MAMLD1: variants seen among roughly 807,000 people sequenced by gnomAD.
MAMLD1 encodes mastermind-like domain-containing protein 1.
Under a neutral mutation model 45.0 loss-of-function variants are expected in MAMLD1, and 14 were observed. The ratio of observed to expected loss-of-function variants is 0.31; its 90% confidence interval spans 0.21 to 0.49. The LOEUF is 0.49. MAMLD1 is among the 20% of genes least tolerant of loss of function. The probability of loss-of-function intolerance (pLI) is 0.99; values close to 1 mark genes in which losing one functional copy is unlikely to be tolerated. For synonymous variants in MAMLD1, 254 were observed against 247.8 expected (o/e 1.02, Z -0.24); for missense variants, 543 against 603.6 (o/e 0.90, Z 1.05).
At chrX:150,500,044 T>C (rs1230608507) in intron 5 of MAMLD1, among the ~76,000 whole-genome samples, 1 of 112,241 alleles carries the variant, frequency 8.9e-6, no homozygotes, top group African/African-American at 3.2e-5. Flanking sequence ...ATTTTGCAAG[T>C]ATTTGCTGAG....
At chrX:150,469,428 T>C (rs1181291957) in intron 3 of MAMLD1, among the ~76,000 whole-genome samples, 3 of 112,179 alleles carry the variant, frequency 2.7e-5, no homozygotes, top group African/African-American at 9.7e-5. Flanking sequence ...AATGCCTTAT[T>C]TGAAATGTAA....
intron 1 of MAMLD1, among the ~76,000 whole-genome samples, chrX:150,433,834 A>G (rs949797538): frequency 9.0e-6 from 1 of 111,678 alleles, no homozygotes. Context: ...AGATTTTTGT[A>G]TCTATATTCA....
intron 5 of MAMLD1, among the ~76,000 whole-genome samples, chrX:150,478,004 C>T (rs1478159187): frequency 1.8e-5 from 2 of 111,984 alleles, no homozygotes; most frequent in Non-Finnish European, 3.8e-5. Flanking sequence ...TCTTCTGCAC[C>T]ACTGACTCTC....
chrX:150,471,109 C>A lies in MAMLD1; in HGVS notation c.1536C>A (p.Ser512Arg). 8.3e-7 allele frequency: 1 copy of A among 1,211,129 alleles called. No homozygotes were observed. The highest frequency in any genetic ancestry group is 1.1e-6 in the Non-Finnish European group (1 of 895,323). ...ATGTGATCTTTAAGCCCATAAGCAG[C>A]AACTCATCCAAAACCCTGAGCATGA... ...QANVIFKPIS[S>R]NSSKTLSMIM... Residue 512 changes from serine to arginine, a missense_variant, in exon 4 of 8, where the codon AGC becomes AGA. Transcript: ENST00000370401.
At chrX:150,482,921 C>A (rs1273928652) in intron 5 of MAMLD1, among the ~76,000 whole-genome samples, 4 of 112,236 alleles carry the variant, frequency 3.6e-5, no homozygotes, top group Non-Finnish European at 7.5e-5. Flanking sequence ...AGATGAGAAA[C>A]CCACTTGCTT....
In MAMLD1 at chrX:150,512,894, C is replaced by T; in HGVS notation, c.*935C>T. 3 of 1,155,292 alleles carry T rather than the reference C, an allele frequency of 2.6e-6. No homozygotes were observed. The highest frequency in any genetic ancestry group is 3.4e-6 in the Non-Finnish European group (3 of 872,203). ...CCCACTAAATGATCTGATTTCGTCACCTGACTGCAATGAGGTAGATTTCAT... is the reference window on the plus strand; with the variant it reads ...CCCACTAAATGATCTGATTTCGTCATCTGACTGCAATGAGGTAGATTTCAT... On this transcript the variant is annotated 3_prime_UTR_variant, in exon 8 of 8. Transcript: ENST00000370401.
rs1477501446 is a variant in MAMLD1, at chrX:150,382,901, A to AT, written c.-64+19377dup. ...TTTTATTTTATTTTTTTTTTTTTTT[A>AT]TTTTTTATTTTTTTTTTTTTTGAGA... On this transcript the variant is annotated intron_variant, in intron 1 of 7. Transcript: ENST00000370401. 8.5e-4 allele frequency among the ~76,000 whole-genome samples: 34 copies of AT among 40,112 alleles called. 6 individuals carry two copies. Among genetic ancestry groups the AT allele is most frequent in the South Asian group, 6.3e-3 (7 of 1,106 alleles). 34.8% of individuals were successfully genotyped at this position (40,112 alleles called of 115,157 possible).
chrX:150,370,241 C>A (rs2031861640), intron 1 of MAMLD1, among the ~76,000 whole-genome samples: 1 of 110,652 alleles, frequency 9.0e-6, no homozygotes, highest in South Asian at 3.9e-4. Flanking sequence ...GTAACCTAGG[C>A]AGCACCAGTC....
chrX:150,385,277 T>TACACACACACACACAC (rs3066918), intron 1 of MAMLD1, among the ~76,000 whole-genome samples: 21 of 94,050 alleles, frequency 2.2e-4, no homozygotes, highest in African/African-American at 5.1e-4. Flanking sequence ...TGAACAATAC[T>TACACACACACACACAC]ACACACACAC....
At chrX:150,394,773 C>T (rs189401988) in intron 1 of MAMLD1, among the ~76,000 whole-genome samples, 1 of 110,981 alleles carries the variant, frequency 9.0e-6, no homozygotes, top group East Asian at 2.8e-4. Flanking sequence ...TGTGATTGAC[C>T]TTGTGTCCTG....
intron 3 of MAMLD1, among the ~76,000 whole-genome samples, chrX:150,465,939 G>A (rs1557405874): frequency 2.7e-5 from 3 of 112,319 alleles, no homozygotes; most frequent in Non-Finnish European, 5.6e-5. Context: ...AGGTCATTCC[G>A]GAGCAGTGAG....
At chrX:150,461,873 A>C (rs1048326509) in intron 2 of MAMLD1, among the ~76,000 whole-genome samples, 2 of 112,258 alleles carry the variant, frequency 1.8e-5, no homozygotes, top group Non-Finnish European at 3.8e-5. Flanking sequence ...TCAGTGGCTT[A>C]AACAGATTTC....
intron 1 of MAMLD1, among the ~76,000 whole-genome samples, chrX:150,431,238 CTA>C (rs781889122): frequency 9.0e-6 from 1 of 111,562 alleles, no homozygotes; most frequent in East Asian, 2.8e-4. Context: ...GTGTTCATTG[CTA>C]GTATACAGGA....
intron 2 of MAMLD1, among the ~76,000 whole-genome samples, chrX:150,451,244 G>A (rs73638254): frequency 0.028 from 3,146 of 112,418 alleles, 102 homozygotes; most frequent in African/African-American, 0.095. Flanking sequence ...GGCCTCATCT[G>A]CATTCCTGCC....
At chrX:150,369,211 G>A (rs1397183378) in intron 1 of MAMLD1, among the ~76,000 whole-genome samples, 1 of 109,879 alleles carries the variant, frequency 9.1e-6, no homozygotes, top group Non-Finnish European at 1.9e-5. Context: ...CCTAGGAGCT[G>A]GGAAACTTGT....
intron 6 of MAMLD1, among the ~76,000 whole-genome samples, chrX:150,508,504 G>A (rs1393433720): frequency 1.8e-5 from 2 of 112,145 alleles, no homozygotes; most frequent in Non-Finnish European, 3.8e-5. Flanking sequence ...GGCTAAGGGC[G>A]GGATAGAAAA....
intron 1 of MAMLD1, among the ~76,000 whole-genome samples, chrX:150,444,906 G>A (rs2035437799): frequency 9.0e-6 from 1 of 111,677 alleles, no homozygotes; most frequent in Admixed American, 9.5e-5. Flanking sequence ...CTCCCTTCCT[G>A]TGTCTGTCAG....
rs2034869171 is a variant in MAMLD1 at position 150,430,026 on chromosome X, T to TC, written c.-63-15428_-63-15427insC. Among the ~76,000 whole-genome samples, 17 of 76,087 alleles carry TC rather than the reference T, an allele frequency of 2.2e-4. No individual in the cohort carries two copies. In the South Asian group the frequency reaches 0.011, roughly 51 times the overall value. 66.1% of individuals were successfully genotyped at this position (76,087 alleles called of 115,157 possible). Reference sequence around the variant, plus strand: ...CTTTTCTTTCTTTCTTTTCTTTTTTTTTTTTTTTTTTTTTTTTGACAGTCT... The same window carrying TC: ...CTTTTCTTTCTTTCTTTTCTTTTTTTCTTTTTTTTTTTTTTTTTGACAGTCT... On this transcript the variant is annotated intron_variant, in intron 1 of 7. Coordinates refer to ENST00000370401, the MANE Select transcript of MAMLD1 (RefSeq NM_005491.5).
chrX:150,506,973 C>A (rs997291158), intron 6 of MAMLD1, among the ~76,000 whole-genome samples: 20 of 112,510 alleles, frequency 1.8e-4, no homozygotes, highest in African/African-American at 5.8e-4. Flanking sequence ...AATGTGGTCC[C>A]TTGTCTGACA....
Sources: gnomAD v4.1 joint callset for allele counts (sites outside exome capture counted in the v4.1 genomes callset) on GRCh38, gnomAD v4.1.1 for gene constraint, MANE v1.5 for transcripts, NCBI Gene and HGNC (gene_info 2026-07-23, HGNC 2026-07-21) for gene names.